OSBPL9: variants seen among roughly 807,000 people sequenced by gnomAD.
OSBPL9 encodes the protein oxysterol binding protein like 9.
In OSBPL9, 40 loss-of-function variants were observed where a neutral mutation model predicts 106.6. The observed-to-expected ratio is 0.38, with a 90% CI of 0.29 to 0.49. The LOEUF (loss-of-function observed/expected upper bound fraction) is 0.49. OSBPL9 is among the 20% of genes least tolerant of loss of function. The pLI is 0.97. For synonymous variants in OSBPL9, 269 were observed against 295.4 expected, an observed-to-expected ratio of 0.91 and a Z score of 0.92; for missense variants, 609 against 887.2, an observed-to-expected ratio of 0.69 and a Z score of 3.98.
intron 4 of OSBPL9, among the ~76,000 whole-genome samples, chr1:51,722,898 G>T (rs563458058): frequency 6.6e-6 from 1 of 152,292 alleles, no homozygotes; most frequent in African/African-American, 2.4e-5. Context: ...TGTCTTTTAA[G>T]GTTATCTGCT....
chr1:51,759,243 T>A (rs1258934553), intron 9 of OSBPL9, among the ~76,000 whole-genome samples: 2 of 152,128 alleles, frequency 1.3e-5, no homozygotes, highest in Non-Finnish European at 2.9e-5. Flanking sequence ...TCAAGTCACT[T>A]GATCGAAAAG....
intron 4 of OSBPL9, among the ~76,000 whole-genome samples, chr1:51,732,178 T>C (rs1664608231): frequency 6.6e-6 from 1 of 152,204 alleles, no homozygotes; most frequent in Admixed American, 6.5e-5. Context: ...GTTCTGCTGG[T>C]TGGAAAGTCA....
the OSBPL9 span, among the ~76,000 whole-genome samples, chr1:51,553,828 G>A: frequency 2.6e-5 from 4 of 152,030 alleles, no homozygotes; most frequent in African/African-American, 4.8e-5. Flanking sequence ...ACAGGCATCC[G>A]CCACCACACC....
chr1:51,588,945 C>T (rs573643953), intron 1 of OSBPL9, among the ~76,000 whole-genome samples: 8 of 152,074 alleles, frequency 5.3e-5, no homozygotes, highest in Non-Finnish European at 1.2e-4. Context: ...GTGAATCTAA[C>T]AGTGAGGAGA....
intron 2 of OSBPL9, among the ~76,000 whole-genome samples, chr1:51,609,491 G>GTGCCA (rs773731189): frequency 6.7e-5 from 10 of 149,884 alleles, no homozygotes; most frequent in Non-Finnish European, 1.3e-4. Flanking sequence ...CTACAGGTAT[G>GTGCCA]TGCCACCATG....
the OSBPL9 span, among the ~76,000 whole-genome samples, chr1:51,568,716 G>A: frequency 1.3e-5 from 2 of 151,862 alleles, no homozygotes; most frequent in African/African-American, 2.4e-5. Flanking sequence ...ACAGGCTCCC[G>A]CCACCACACC....
At chr1:51,660,964 G>A (rs980242850) in intron 2 of OSBPL9, among the ~76,000 whole-genome samples, 42 of 152,208 alleles carry the variant, frequency 2.8e-4, no homozygotes, top group African/African-American at 1.0e-3. Context: ...CTCCCTTTTA[G>A]TTGTTGGACT....
chr1:51,526,637 T>C, the OSBPL9 span, among the ~76,000 whole-genome samples: 1 of 152,160 alleles, frequency 6.6e-6, no homozygotes, highest in African/African-American at 2.4e-5. Flanking sequence ...CAATCAACAC[T>C]GGAAGCAAAG....
chr1:51,646,184 T>C (rs951865924), intron 1 of OSBPL9, among the ~76,000 whole-genome samples: 9 of 152,210 alleles, frequency 5.9e-5, no homozygotes, highest in Non-Finnish European at 1.0e-4. Flanking sequence ...AGGTATTATA[T>C]TGAATCTGTA....
intron 1 of OSBPL9, 46 bp downstream of exon 1, chr1:51,617,267 T>A: frequency 6.5e-7 from 1 of 1,550,248 alleles, no homozygotes; most frequent in Non-Finnish European, 8.8e-7. Flanking sequence ...GGGCCGCGTT[T>A]CCTGGGTGGA....
chr1:51,735,361 C>A (rs997126867), intron 4 of OSBPL9, among the ~76,000 whole-genome samples: 1 of 152,156 alleles, frequency 6.6e-6, no homozygotes, highest in Admixed American at 6.5e-5. Context: ...TCTGTGGGTA[C>A]TGTAGTCACT....
chr1:51,748,040 C>T (rs972015473), intron 6 of OSBPL9, among the ~76,000 whole-genome samples: 11 of 152,270 alleles, frequency 7.2e-5, no homozygotes, highest in African/African-American at 1.4e-4. Flanking sequence ...CCGCCCACCT[C>T]GGCCTCCCAA....
chr1:51,724,205 C>T (rs1240203794), intron 4 of OSBPL9, among the ~76,000 whole-genome samples: 1 of 152,120 alleles, frequency 6.6e-6, no homozygotes, highest in African/African-American at 2.4e-5. Context: ...CTCAATCTCC[C>T]AAAATCCTGG....
the OSBPL9 span, among the ~76,000 whole-genome samples, chr1:51,556,835 A>G: frequency 6.7e-6 from 1 of 149,610 alleles, no homozygotes; most frequent in East Asian, 1.9e-4. Context: ...GTGTATATAT[A>G]TACATATATA....
chr1:51,722,197 A>AGATT (rs10681453), intron 4 of OSBPL9, among the ~76,000 whole-genome samples: 2 of 151,294 alleles, frequency 1.3e-5, no homozygotes, highest in African/African-American at 4.9e-5. Context: ...ATAGATAGAT[A>AGATT]GATAGATAGA....
the OSBPL9 span, among the ~76,000 whole-genome samples, chr1:51,552,640 T>G: frequency 6.6e-6 from 1 of 152,186 alleles, no homozygotes; most frequent in African/African-American, 2.4e-5. Flanking sequence ...TCAATTTTTT[T>G]TTTAGACGGT....
In OSBPL9 at chr1:51,660,286, A is replaced by G. The variant is rs77115640; in HGVS notation, c.162+8245A>G. On this transcript the variant is annotated intron_variant, in intron 2 of 23. Coordinates refer to ENST00000428468, the MANE Select transcript of OSBPL9 (RefSeq NM_024586.6). Reference sequence around the variant, plus strand: ...GCAGAAAGCATAAACCACAATGGCAAATATTTGTGGATTTGACAACATTCA... The same window carrying G: ...GCAGAAAGCATAAACCACAATGGCAGATATTTGTGGATTTGACAACATTCA... 2.3e-3 allele frequency among the ~76,000 whole-genome samples: 353 copies of G among 152,310 alleles called. 4 individuals are homozygous for G. Among genetic ancestry groups the G allele is most frequent in the African/African-American group, 8.2e-3 (342 of 41,586 alleles).
chr1:51,625,771 T>A (rs545633646), intron 1 of OSBPL9, among the ~76,000 whole-genome samples: 33 of 152,254 alleles, frequency 2.2e-4, no homozygotes, highest in African/African-American at 7.9e-4. Context: ...CAATCCACCC[T>A]CCTCGGCCTC....
chr1:51,533,924 T>C, the OSBPL9 span, among the ~76,000 whole-genome samples: 2 of 150,014 alleles, frequency 1.3e-5, no homozygotes, highest in Non-Finnish European at 3.0e-5. Flanking sequence ...TAATTGATGC[T>C]GACTGGGCGC....
Sources: gnomAD v4.1 joint callset for allele counts (sites outside exome capture counted in the v4.1 genomes callset) on GRCh38, gnomAD v4.1.1 for gene constraint, MANE v1.5 for transcripts, NCBI Gene and HGNC (gene_info 2026-07-23, HGNC 2026-07-21) for gene names.